PPM1G: variants seen among roughly 807,000 people sequenced by gnomAD.
PPM1G encodes the protein protein phosphatase 1G.
In PPM1G, 12 loss-of-function variants were observed where a neutral mutation model predicts 59.4. The ratio of observed to expected loss-of-function variants is 0.20; its 90% confidence interval spans 0.13 to 0.33. PPM1G has a LOEUF of 0.33. Among genes scored for constraint, PPM1G ranks in the 10% least tolerant of loss-of-function variants. The probability of loss-of-function intolerance (pLI) is 1.00; values close to 1 mark genes in which losing one functional copy is unlikely to be tolerated. For synonymous variants in PPM1G, 245 were observed against 251.9 expected (o/e 0.97, Z 0.26); for missense variants, 392 against 681.3 (o/e 0.58, Z 4.73).
intron 1 of PPM1G, among the ~76,000 whole-genome samples, chr2:27,388,749 C>T (rs1159103592): frequency 1.3e-5 from 2 of 151,910 alleles, no homozygotes; most frequent in Non-Finnish European, 2.9e-5. Context: ...ATGGTGGGCG[C>T]CTGTAGTCCC....
At chr2:27,394,026 T>G (rs1683984796) in intron 1 of PPM1G, among the ~76,000 whole-genome samples, 1 of 152,018 alleles carries the variant, frequency 6.6e-6, no homozygotes, top group Admixed American at 6.6e-5. Flanking sequence ...CCTCCCAAAG[T>G]GCTGGGATTA....
At chr2:27,393,194 G>A (rs1683959190) in intron 1 of PPM1G, 2 of 1,529,174 alleles carry the variant, frequency 1.3e-6, no homozygotes, top group South Asian at 2.2e-5. Context: ...CATGAGATTG[G>A]TGAAGAAAGT....
Position 27,384,571 on chromosome 2 carries a change from G to T in PPM1G, c.825+102C>A. On this transcript the variant is annotated intron_variant, in intron 5 of 9. Coordinates refer to ENST00000344034, the MANE Select transcript of PPM1G (RefSeq NM_177983.3). This position sits in a 1 kb window ranked among gnomAD's most constrained non-coding sequence, Gnocchi z 4.8. Reference sequence around the variant, plus strand: ...TAGAATACAGTGGGTCTTGGGGGATGATGTCAAAATAGGAGAAGGAAAGAG... The same window carrying T: ...TAGAATACAGTGGGTCTTGGGGGATTATGTCAAAATAGGAGAAGGAAAGAG... 1.3e-5 allele frequency: 18 copies of T among 1,351,414 alleles called. No individual in the cohort carries two copies. In the South Asian group the frequency reaches 2.5e-4, roughly 19 times the overall value. The allele number at this position is 1,351,414 out of a possible 1,614,324, so 83.7% of individuals were successfully genotyped here.
In PPM1G at chr2:27,384,537, A is replaced by G; in HGVS notation, c.825+136T>C. 9.0e-7 allele frequency: 1 copy of G among 1,114,496 alleles called. No homozygotes were observed. The allele number at this position is 1,114,496 out of a possible 1,614,324, so 69.0% of individuals were successfully genotyped here. A position where few individuals can be genotyped will look rare whatever the true frequency, so the allele number is the denominator to read the frequency against. On this transcript the variant is annotated intron_variant, in intron 5 of 9. Transcript: ENST00000344034. The surrounding 1 kb of genome is among the most constrained non-coding windows in gnomAD (Gnocchi z 4.8). ...GATGATGGAGCTCAATGAATTCAAGACTAAAGCTTAGAATACAGTGGGTCT... is the reference window on the plus strand; with the variant it reads ...GATGATGGAGCTCAATGAATTCAAGGCTAAAGCTTAGAATACAGTGGGTCT...
Position 27,409,526 on chromosome 2 carries a change from G to T in PPM1G, c.-104C>A. 7.6e-7 allele frequency: 1 copy of T among 1,311,726 alleles called. No individual in the cohort carries two copies. The highest frequency in any genetic ancestry group is 2.0e-5 in the South Asian group (1 of 50,916). 81.3% of individuals were successfully genotyped at this position (1,311,726 alleles called of 1,614,324 possible). A position where few individuals can be genotyped will look rare whatever the true frequency, so the allele number is the denominator to read the frequency against. ...GCGGCAGGAGCAGGCCCCGCGGCGC[G>T]ACCGACGCAAGGTGCCGGTGAAAGG... is the stretch of plus-strand genomic sequence containing the variant. On this transcript the variant is annotated 5_prime_UTR_variant, in exon 1 of 10. Coordinates refer to ENST00000344034, the MANE Select transcript of PPM1G (RefSeq NM_177983.3).
At position 27,381,612 on chromosome 2, in the gene PPM1G, G is replaced by A; in HGVS notation, c.1628C>T (p.Ala543Val). Residue 543 changes from alanine to valine, a missense_variant, in exon 10 of 10, where the codon GCC (alanine) becomes GTC (valine). Ala to Val is a moderately conservative substitution (Grantham distance 64). This residue lies in a region of PPM1G where 49 missense variants were observed against 43.4 expected (regional missense o/e 1.13). Coordinates refer to ENST00000344034, the MANE Select transcript of PPM1G (RefSeq NM_177983.3). ...TCTGGATGACTGCTAGTCTCGCTTGGCCTTCTTCTTCTTGTCGCTGTTGCC... is the reference window on the plus strand; with the variant it reads ...TCTGGATGACTGCTAGTCTCGCTTGACCTTCTTCTTCTTGTCGCTGTTGCC... ...ENGNSDKKKK[A>V]KRD 1 of 1,614,080 alleles carries A rather than the reference G, an allele frequency of 6.2e-7. No individual in the cohort carries two copies. The highest frequency in any genetic ancestry group is 1.6e-4 in the Middle Eastern group (1 of 6,062).
chr2:27,403,865 ACT>A (rs1360397272), intron 1 of PPM1G, among the ~76,000 whole-genome samples: 22 of 151,548 alleles, frequency 1.5e-4, no homozygotes, highest in Non-Finnish European at 5.9e-5. Context: ...GGTGACAGAG[ACT>A]CTGTCTAAAA....
intron 9 of PPM1G, 142 bp from the exon 10 acceptor site, chr2:27,381,947 A>T: frequency 1.0e-6 from 1 of 1,000,874 alleles, no homozygotes; most frequent in Middle Eastern, 3.1e-4. Flanking sequence ...CCCACCTGCT[A>T]GTCCATAAGG....
intron 1 of PPM1G, among the ~76,000 whole-genome samples, chr2:27,402,252 G>A (rs1411826941): frequency 6.6e-6 from 1 of 152,140 alleles, no homozygotes; most frequent in Non-Finnish European, 1.5e-5. Context: ...CTAAAGATTT[G>A]TTTCCAGATA....
rs765285925 is a variant in PPM1G at position 27,384,819 on chromosome 2, C to T, written c.679G>A (p.Val227Ile). The change falls in exon 5 of 10, where the codon GTT becomes ATT. Residue 227 changes from valine (V) to isoleucine (I), a missense_variant. Val to Ile is a conservative substitution (Grantham distance 29, BLOSUM62 3). Around this residue, in one of 6 missense-constraint regions of PPM1G, gnomAD observed 188 missense variants for 248.8 expected, o/e 0.76. Transcript: ENST00000344034. This position sits in a 1 kb window ranked among gnomAD's most constrained non-coding sequence, Gnocchi z 4.8. Reference sequence around the variant, plus strand: ...CCAGTGGGAATGCCAGGCTCACCAACTTGGCCTGCCTCAGTCCCACGTTCC... The same window carrying T: ...CCAGTGGGAATGCCAGGCTCACCAATTTGGCCTGCCTCAGTCCCACGTTCC... Reference protein sequence around the residue: ...NSERGTEAGQVGEPGIPTGEA... With the variant: ...NSERGTEAGQIGEPGIPTGEA... The T allele has an allele frequency of 1.2e-6, 2 of 1,614,130 alleles. No homozygotes were observed. Among genetic ancestry groups the T allele is most frequent in the African/African-American group, 1.3e-5 (1 of 74,946 alleles).
chr2:27,396,578 G>A (rs1228807328), intron 1 of PPM1G, among the ~76,000 whole-genome samples: 1 of 152,086 alleles, frequency 6.6e-6, no homozygotes, highest in African/African-American at 2.4e-5. Flanking sequence ...ACTTTGGGAG[G>A]CCGAGGCGGG....
Position 27,383,950 on chromosome 2 carries a change from ACCT to A in PPM1G, c.965_966+1del. 1 of 1,551,172 alleles carries A rather than the reference ACCT, an allele frequency of 6.4e-7. No homozygotes were observed. The highest frequency in any genetic ancestry group is 8.7e-7 in the Non-Finnish European group (1 of 1,146,860). On this transcript the variant is annotated splice_donor_variant and coding_sequence_variant, in exon 6 of 10. Coordinates refer to ENST00000344034, the MANE Select transcript of PPM1G (RefSeq NM_177983.3). LOFTEE classifies it high-confidence loss of function. The surrounding 1 kb of genome is among the most constrained non-coding windows in gnomAD (Gnocchi z 5.0). ...GACTCATTGCTCCCCTTCCCCACAC[ACCT>A]CCTCTTTGCCTTCCATCCCTGGCAC... is the stretch of plus-strand genomic sequence containing the variant.
intron 1 of PPM1G, among the ~76,000 whole-genome samples, chr2:27,391,347 T>C (rs1683895788): frequency 6.6e-6 from 1 of 152,230 alleles, no homozygotes; most frequent in Non-Finnish European, 1.5e-5. Flanking sequence ...CCAACGTTTC[T>C]CATTTTTTGA....
Position 27,409,415 on chromosome 2 carries a change from G to A in PPM1G, c.8C>T (p.Ala3Val). Residue 3 changes from alanine to valine, a missense_variant, in exon 1 of 10, where the codon GCC (alanine) becomes GTC (valine). By Grantham distance (64) the Ala-to-Val change is moderately conservative. Transcript: ENST00000344034. ...CACCGTGTTGGGCTGGGAGAGGTAG[G>A]CACCCATGGCGGCGGCTGGCCGGCG... MG[A>V]YLSQPNTVKC... 1 of 1,515,962 alleles carries A rather than the reference G, an allele frequency of 6.6e-7. No individual in the cohort carries two copies. 93.9% of individuals were successfully genotyped at this position (1,515,962 alleles called of 1,614,324 possible).
intron 1 of PPM1G, among the ~76,000 whole-genome samples, chr2:27,392,600 C>G (rs1185324331): frequency 4.9e-4 from 37 of 75,700 alleles, no homozygotes; most frequent in African/African-American, 2.2e-3. Context: ...GCCCACAGTA[C>G]ATTTTTTTTT....
chr2:27,399,549 C>CT (rs1266308846), intron 1 of PPM1G, among the ~76,000 whole-genome samples: 1 of 152,174 alleles, frequency 6.6e-6, no homozygotes, highest in African/African-American at 2.4e-5. Context: ...TGGCATGTGC[C>CT]TGTAATCCCA....
At position 27,382,654 on chromosome 2, in the gene PPM1G, T is replaced by G. The variant is rs1385290657; in HGVS notation, c.1202-49A>C. 3 of 1,606,396 alleles carry G rather than the reference T, an allele frequency of 1.9e-6. No homozygotes were observed. The highest frequency in any genetic ancestry group is 1.7e-4 in the Middle Eastern group (1 of 6,040). ...AGCAGTTTGGATACTTCCCACAGACTTGTGTTTGTGGCAGGTCAAACCTTG... is the reference window on the plus strand; with the variant it reads ...AGCAGTTTGGATACTTCCCACAGACGTGTGTTTGTGGCAGGTCAAACCTTG... On this transcript the variant is annotated intron_variant, in intron 7 of 9. Coordinates refer to ENST00000344034, the MANE Select transcript of PPM1G (RefSeq NM_177983.3). The surrounding 1 kb of genome is among the most constrained non-coding windows in gnomAD (Gnocchi z 4.2).
chr2:27,398,215 C>G (rs1207511598), intron 1 of PPM1G, among the ~76,000 whole-genome samples: 3 of 152,118 alleles, frequency 2.0e-5, no homozygotes, highest in African/African-American at 4.8e-5. Context: ...CATTTACGGT[C>G]AATTTATCTC....
Position 27,384,233 on chromosome 2 carries a change from G to C in PPM1G, c.826-141C>G. On this transcript the variant is annotated intron_variant, in intron 5 of 9. Coordinates refer to ENST00000344034, the MANE Select transcript of PPM1G (RefSeq NM_177983.3). The surrounding 1 kb of genome is among the most constrained non-coding windows in gnomAD (Gnocchi z 4.8). ...TACAAGTATATGGTCATGAAAATTG[G>C]GGGGATGGAAAGGGCTAGCATGAGT... is the stretch of plus-strand genomic sequence containing the variant. 2 of 1,419,964 alleles carry C rather than the reference G, an allele frequency of 1.4e-6. No individual in the cohort carries two copies. Among genetic ancestry groups the C allele is most frequent in the Non-Finnish European group, 1.9e-6 (2 of 1,055,104 alleles). 88.0% of individuals were successfully genotyped at this position (1,419,964 alleles called of 1,614,324 possible).
Sources: gnomAD v4.1 joint callset for allele counts (sites outside exome capture counted in the v4.1 genomes callset) on GRCh38, gnomAD v4.1.1 for gene constraint, gnomAD v4.1.1 regional missense constraint, Gnocchi (gnomAD v3.1) non-coding constraint, MANE v1.5 for transcripts, NCBI Gene and HGNC (gene_info 2026-07-23, HGNC 2026-07-21) for gene names.